Variants in EPN2 observed in about 807,000 individuals in gnomAD.
The protein encoded by EPN2 is epsin 2, also known as epsin-2.
EPN2 carries 34 observed loss-of-function variants against 61.7 expected under a neutral mutation model. That is an observed-to-expected ratio of 0.55 (90% CI 0.42 to 0.73). The LOEUF (loss-of-function observed/expected upper bound fraction) is 0.73. EPN2 is among the 30% of genes least tolerant of loss of function. EPN2 has a pLI of 0.00. For missense variants in EPN2, 714 were observed against 839.2 expected (o/e 0.85, Z 1.84); for synonymous variants, 349 against 353.6 (o/e 0.99, Z 0.15).
rs73982645 is a variant in EPN2, at chr17:19,241,052, G to A, written c.-294+3521G>A. Among the ~76,000 whole-genome samples the A allele has an allele frequency of 9.1e-3, 1,386 of 152,238 alleles. 15 individuals are homozygous for A. Among genetic ancestry groups the A allele is most frequent in the African/African-American group, 0.032 (1,322 of 41,522 alleles). ...CCTAGGGAGCTTAAGTTACATGCTC[G>A]AGGTCGCGCAGCCAGTAAGTGATTT... On this transcript the variant is annotated intron_variant, in intron 1 of 10. Coordinates refer to ENST00000314728, the MANE Select transcript of EPN2 (RefSeq NM_014964.5).
intron 4 of EPN2, among the ~76,000 whole-genome samples, chr17:19,291,580 GGC>G (rs947163363): frequency 8.6e-5 from 13 of 151,886 alleles, no homozygotes; most frequent in African/African-American, 3.1e-4. Context: ...TGGGACTACA[GGC>G]GCCCGCCACT....
At chr17:19,262,723 A>G (rs1401371212) in intron 1 of EPN2, among the ~76,000 whole-genome samples, 1 of 151,080 alleles carries the variant, frequency 6.6e-6, no homozygotes, top group Non-Finnish European at 1.5e-5. Flanking sequence ...GCAACCCTGT[A>G]CCCATTAAGC....
In EPN2 at chr17:19,313,597, C is replaced by T. The variant is rs1906249299; in HGVS notation, c.1147+318C>T. On this transcript the variant is annotated intron_variant, in intron 7 of 10. Coordinates refer to ENST00000314728, the MANE Select transcript of EPN2 (RefSeq NM_014964.5). The stretch of plus-strand genomic sequence containing the variant: ...CAACTCTTGCAGCCTCAGCGTTACA[C>T]CCAGCGTCCCAGCTGAAGGAACCAA... 4 of 325,614 alleles carry T rather than the reference C, an allele frequency of 1.2e-5. No homozygotes were observed. The South Asian group carries it at 4.9e-4, about 40-fold the overall frequency. The allele number at this position is 325,614 out of a possible 1,614,324, so 20.2% of individuals were successfully genotyped here.
intron 1 of EPN2, among the ~76,000 whole-genome samples, chr17:19,277,996 C>G (rs560502373): frequency 1.3e-5 from 2 of 151,136 alleles, no homozygotes; most frequent in African/African-American, 4.9e-5. Flanking sequence ...ATGGTGTGAA[C>G]CTGGGAGGCG....
At chr17:19,249,535 C>T (rs2044990219) in intron 1 of EPN2, 1 of 152,214 alleles carries the variant, frequency 6.6e-6, no homozygotes, top group African/African-American at 2.4e-5. Flanking sequence ...AGGTAAGGGA[C>T]CTTGCGTTAA....
intron 1 of EPN2, among the ~76,000 whole-genome samples, chr17:19,281,690 C>CT (rs1185777374): frequency 6.6e-6 from 1 of 152,074 alleles, no homozygotes; most frequent in Non-Finnish European, 1.5e-5. Context: ...CGGTTCCTCA[C>CT]TTGTGTAGTG....
chr17:19,247,478 C>G (rs894286427), intron 1 of EPN2, among the ~76,000 whole-genome samples: 1 of 152,174 alleles, frequency 6.6e-6, no homozygotes, highest in African/African-American at 2.4e-5. Context: ...CCTTGAAGAA[C>G]AAGAAACAGT....
At chr17:19,266,433 C>T (rs1376213462) in intron 1 of EPN2, among the ~76,000 whole-genome samples, 7 of 150,168 alleles carry the variant, frequency 4.7e-5, no homozygotes, top group Admixed American at 1.3e-4. Flanking sequence ...GACGGAGTCT[C>T]GCTCTGTCGC....
chr17:19,314,863 CA>C (rs1906312705), intron 7 of EPN2, among the ~76,000 whole-genome samples: 1 of 152,264 alleles, frequency 6.6e-6, no homozygotes, highest in Admixed American at 6.5e-5. Context: ...CCCTTTTAGA[CA>C]GTGGCTTTGG....
Position 19,333,368 on chromosome 17 carries a change from G to A in EPN2, c.1628-588G>A, listed in dbSNP as rs548919939. On this transcript the variant is annotated intron_variant, in intron 10 of 10. Coordinates refer to ENST00000314728, the MANE Select transcript of EPN2 (RefSeq NM_014964.5). Reference sequence around the variant, plus strand: ...CTGGACATACAGGGCCATTCTCCAGGCCACACAGGGTAGGGCCAGGCTGCA... The same window carrying A: ...CTGGACATACAGGGCCATTCTCCAGACCACACAGGGTAGGGCCAGGCTGCA... 3.9e-5 allele frequency among the ~76,000 whole-genome samples: 6 copies of A among 152,318 alleles called. No individual in the cohort carries two copies. The East Asian group carries it at 1.2e-3, about 29-fold the overall frequency.
intron 1 of EPN2, among the ~76,000 whole-genome samples, chr17:19,253,410 CTTTTTTT>C (rs59492982): frequency 8.8e-5 from 9 of 101,856 alleles, no homozygotes; most frequent in East Asian, 3.3e-4. Context: ...TAAATAGTTG[CTTTTTTT>C]TTTTTTTTTT....
At chr17:19,308,094 G>A (rs1340569231) in intron 4 of EPN2, 13 of 939,110 alleles carry the variant, frequency 1.4e-5, no homozygotes, top group Non-Finnish European at 1.6e-5. Flanking sequence ...TATTTTTTGA[G>A]ATGCAGTCTT....
rs113916739 is a variant in EPN2, at chr17:19,285,589, C to CTG, written c.596-15_596-14dup. The CTG allele has an allele frequency of 3.0e-3, 4,298 of 1,426,616 alleles. 3 individuals are homozygous for CTG. The highest frequency in any genetic ancestry group is 4.7e-3 in the East Asian group (176 of 37,344). 88.4% of individuals were successfully genotyped at this position (1,426,616 alleles called of 1,614,324 possible). On this transcript the variant is annotated intron_variant, in intron 3 of 10. Transcript: ENST00000314728. The surrounding 1 kb of genome is among the most constrained non-coding windows in gnomAD (Gnocchi z 4.5). Reference sequence around the variant, plus strand: ...GCGCACCCTCTAATGGCGTGTCTCTCTGTGTGTGTGTGTGTGTCCCTGCCC... The same window carrying CTG: ...GCGCACCCTCTAATGGCGTGTCTCTCTGTGTGTGTGTGTGTGTGTCCCTGCCC...
At position 19,328,748 on chromosome 17, in the gene EPN2, G is replaced by A. The variant is rs1907016691; in HGVS notation, c.1185G>A (p.Val395=). The part of the protein sequence containing the change: ...KPAASIDPWG[V]PTGATVQSVP... ...CTGCCTCCATTGACCCATGGGGGGT[G>A]CCCACTGGAGCCACCGTACAATCTG... The change falls in exon 8 of 11, where the codon GTG becomes GTA. Residue 395 remains valine (V), a synonymous_variant. Transcript: ENST00000314728. 2.5e-6 allele frequency: 4 copies of A among 1,612,916 alleles called. No homozygotes were observed. Among genetic ancestry groups the A allele is most frequent in the Non-Finnish European group, 3.4e-6 (4 of 1,179,328 alleles).
chr17:19,293,116 C>T (rs918918570), intron 4 of EPN2, among the ~76,000 whole-genome samples: 7 of 151,888 alleles, frequency 4.6e-5, no homozygotes, highest in South Asian at 2.1e-4. Flanking sequence ...GGGTGGCTCA[C>T]GCCTGTAATC....
chr17:19,297,593 G>A (rs1038853706), intron 4 of EPN2, among the ~76,000 whole-genome samples: 1 of 152,144 alleles, frequency 6.6e-6, no homozygotes, highest in Non-Finnish European at 1.5e-5. Context: ...TGCTGGGTGT[G>A]GGGGAAGGTG....
intron 1 of EPN2, among the ~76,000 whole-genome samples, chr17:19,275,002 C>G (rs1486448249): frequency 1.3e-5 from 2 of 152,204 alleles, no homozygotes; most frequent in African/African-American, 4.8e-5. Context: ...GTATGGGGAT[C>G]TAGCTGTTAT....
At chr17:19,253,211 G>A (rs892913054) in intron 1 of EPN2, among the ~76,000 whole-genome samples, 3 of 152,102 alleles carry the variant, frequency 2.0e-5, no homozygotes, top group Non-Finnish European at 2.9e-5. Context: ...TCATATAAAT[G>A]CAGTTATACA....
chr17:19,265,309 T>C (rs1343619608), intron 1 of EPN2, among the ~76,000 whole-genome samples: 2 of 149,380 alleles, frequency 1.3e-5, no homozygotes, highest in Non-Finnish European at 3.0e-5. Flanking sequence ...GCCTGGGAGG[T>C]CCAGGCTGTA....
Sources: allele counts gnomAD v4.1 joint callset (sites outside exome capture counted in the v4.1 genomes callset), GRCh38; gene constraint gnomAD v4.1.1; non-coding constraint Gnocchi (gnomAD v3.1); transcripts MANE v1.5; gene names NCBI Gene and HGNC (gene_info 2026-07-23, HGNC 2026-07-21).